Variants in MED17 observed in about 807,000 individuals in gnomAD.
MED17 encodes mediator of RNA polymerase II transcription subunit 17.
In MED17, 49 loss-of-function variants were observed where a neutral mutation model predicts 80.8. That is an observed-to-expected ratio of 0.61 (90% CI 0.48 to 0.77). The LOEUF (loss-of-function observed/expected upper bound fraction) is 0.77, where lower values mean the gene tolerates loss of function less well. Ranked by LOEUF, MED17 falls within the 30% of genes least tolerant of loss-of-function variation. The pLI is 0.00. For missense variants in MED17, 718 were observed against 787.0 expected, an observed-to-expected ratio of 0.91 and a Z score of 1.05; for synonymous variants, 281 against 280.4, an observed-to-expected ratio of 1.00 and a Z score of -0.02.
chr11:93,812,434 T>G lies in MED17; in HGVS notation c.*370T>G. ...CCAAATACCTTTTTTTCCCCCCAAA[T>G]ACTTTCTAAACTTTTTTTTTTTGAG... On this transcript the variant is annotated 3_prime_UTR_variant, in exon 12 of 12. Transcript: ENST00000251871. 2.2e-6 allele frequency: 1 copy of G among 455,890 alleles called. No homozygotes were observed. The highest frequency in any genetic ancestry group is 3.8e-6 in the Non-Finnish European group (1 of 262,710). The allele number at this position is 455,890 out of a possible 1,614,324, so 28.2% of individuals were successfully genotyped here.
chr11:93,786,891 G>A (rs1335479880), intron 1 of MED17, among the ~76,000 whole-genome samples: 1 of 152,128 alleles, frequency 6.6e-6, no homozygotes, highest in African/African-American at 2.4e-5. Flanking sequence ...AGCATTGTTG[G>A]AAGCAGTTTA....
Position 93,811,446 on chromosome 11 carries a change from G to A in MED17, c.1745-407G>A, listed in dbSNP as rs1330577623. 7 of 210,616 alleles carry A rather than the reference G, an allele frequency of 3.3e-5. No homozygotes were observed. In the East Asian group the frequency reaches 9.0e-4, roughly 27 times the overall value. 13.0% of individuals were successfully genotyped at this position (210,616 alleles called of 1,614,324 possible). On this transcript the variant is annotated intron_variant, in intron 11 of 11. Transcript: ENST00000251871. ...AGCACTTTGGGAGGCTGAGGTGGGAGGATTGCTTGAGCCCAGGAGTTTGAG... is the reference window on the plus strand; with the variant it reads ...AGCACTTTGGGAGGCTGAGGTGGGAAGATTGCTTGAGCCCAGGAGTTTGAG...
At chr11:93,798,510 TA>T (rs1336204937) in intron 8 of MED17, among the ~76,000 whole-genome samples, 3 of 152,204 alleles carry the variant, frequency 2.0e-5, no homozygotes, top group African/African-American at 7.2e-5. Context: ...CAGTTTTTTT[TA>T]GTACATTAGT....
Position 93,788,003 on chromosome 11 carries a change from G to A in MED17, c.253G>A (p.Val85Met), listed in dbSNP as rs776593698. The change falls in exon 2 of 12, where the codon GTG (valine) becomes ATG (methionine). Residue 85 changes from valine (V) to methionine (M), a missense_variant and splice_region_variant. Val to Met is a conservative substitution (Grantham distance 21). Coordinates refer to ENST00000251871, the MANE Select transcript of MED17 (RefSeq NM_004268.5). ...SSADQDDEEG[V>M]VKFQPSLWPW... is the part of the protein sequence containing the mutation. Reference sequence around the variant, plus strand: ...TTTTTTTCTCTCTCTCTTTTTAGGAGTGGTAAAATTTCAGCCTTCCCTTTG... The same window carrying A: ...TTTTTTTCTCTCTCTCTTTTTAGGAATGGTAAAATTTCAGCCTTCCCTTTG... The A allele has an allele frequency of 5.0e-6, 8 of 1,613,504 alleles. No homozygotes were observed. The highest frequency in any genetic ancestry group is 6.8e-6 in the Non-Finnish European group (8 of 1,179,632).
chr11:93,804,635 T>C (rs1944005349), intron 9 of MED17, among the ~76,000 whole-genome samples: 2 of 152,242 alleles, frequency 1.3e-5, no homozygotes, highest in South Asian at 4.1e-4. Flanking sequence ...AGAAGTTATG[T>C]AACCCTACCT....
intron 2 of MED17, chr11:93,789,734 C>T (rs1044185701): frequency 5.3e-5 from 8 of 150,802 alleles, no homozygotes; most frequent in African/African-American, 1.9e-4. Context: ...CTTTGGGGAA[C>T]CAAAGCAGGA....
chr11:93,797,788 A>T, intron 8 of MED17, 69 bp downstream of exon 8: 4 of 1,424,012 alleles, frequency 2.8e-6, no homozygotes, highest in Non-Finnish European at 3.9e-6. Context: ...CTGTTATTTC[A>T]TAACACTTTT....
rs964613647 is a variant in MED17 at position 93,784,859 on chromosome 11, C to T, written c.250+96C>T. 40 of 1,485,184 alleles carry T rather than the reference C, an allele frequency of 2.7e-5. 1 individual carries two copies. In the Middle Eastern group the frequency reaches 7.2e-4, roughly 27 times the overall value. 92.0% of individuals were successfully genotyped at this position (1,485,184 alleles called of 1,614,324 possible). A position where few individuals can be genotyped will look rare whatever the true frequency, so the allele number is the denominator to read the frequency against. On this transcript the variant is annotated intron_variant, in intron 1 of 11. Transcript: ENST00000251871. ...CGCGATGGGGGTGATCTTGTGCGTG[C>T]GAGAACTTTTGAGTGTCCCTCTAGC...
At chr11:93,786,161 C>G (rs753724468) in intron 1 of MED17, among the ~76,000 whole-genome samples, 32 of 152,294 alleles carry the variant, frequency 2.1e-4, no homozygotes, top group South Asian at 1.2e-3. Flanking sequence ...TAGTTGATAT[C>G]TTCTCTATTC....
At chr11:93,797,784 T>G (rs1274240810) in intron 8 of MED17, 65 bp downstream of exon 8, 1 of 1,436,488 alleles carries the variant, frequency 7.0e-7, no homozygotes, top group Non-Finnish European at 9.7e-7. Flanking sequence ...TCTTCTGTTA[T>G]TTCATAACAC....
intron 9 of MED17, among the ~76,000 whole-genome samples, chr11:93,804,026 T>TAC (rs368346628): frequency 1.1e-3 from 13 of 11,324 alleles, no homozygotes; most frequent in South Asian, 8.4e-3. Context: ...TATATATATA[T>TAC]ACACACACAC....
chr11:93,785,605 T>C (rs985974464), intron 1 of MED17, among the ~76,000 whole-genome samples: 1 of 152,214 alleles, frequency 6.6e-6, no homozygotes, highest in African/African-American at 2.4e-5. Context: ...ATTTCCACAG[T>C]AATTTTTGAG....
Position 93,790,772 on chromosome 11 carries a change from G to C in MED17, c.616G>C (p.Asp206His), listed in dbSNP as rs1289482703. The part of the protein sequence containing the change: ...LRKVGDKILG[D>H]LSYRSAGSLF... ...AAAAGTTGGAGATAAAATTCTCGGA[G>C]ATCTGAGCTACAGAAGTGCAGGTAT... The change falls in exon 3 of 12, where the codon GAT (aspartate) becomes CAT (histidine). Residue 206 changes from aspartate (D) to histidine (H), a missense_variant. Transcript: ENST00000251871. 6.2e-7 allele frequency: 1 copy of C among 1,613,950 alleles called. No homozygotes were observed. The highest frequency in any genetic ancestry group is 8.5e-7 in the Non-Finnish European group (1 of 1,179,954).
chr11:93,802,947 A>G (rs1042045668), intron 9 of MED17, among the ~76,000 whole-genome samples: 6 of 152,134 alleles, frequency 3.9e-5, no homozygotes, highest in African/African-American at 7.2e-5. Context: ...AACACCTGAC[A>G]TTTGTCAGGG....
At chr11:93,784,965 G>A in intron 1 of MED17, 3 of 720,072 alleles carry the variant, frequency 4.2e-6, no homozygotes, top group Admixed American at 2.9e-5. Context: ...TACTCCTGCG[G>A]GTCTCCTTGA....
chr11:93,812,021 A>C lies in MED17; in HGVS notation c.1913A>C (p.Lys638Thr). The C allele has an allele frequency of 6.2e-7, 1 of 1,614,122 alleles. No homozygotes were observed. Among genetic ancestry groups the C allele is most frequent in the Non-Finnish European group, 8.5e-7 (1 of 1,180,012 alleles). Residue 638 changes from lysine (K) to threonine (T), a missense_variant, in exon 12 of 12, where the codon AAA (lysine) becomes ACA (threonine). Physicochemically the swap from Lys to Thr is moderately conservative, Grantham distance 78. Transcript: ENST00000251871. ...NKMEGRNFVY[K>T]MELLMSALSP... ...ATGGAAGGTCGAAATTTTGTTTATA[A>C]AATGGAGCTGCTTATGTCTGCACTT...
At chr11:93,790,976 C>T (rs1168117400) in intron 3 of MED17, among the ~76,000 whole-genome samples, 183 bp downstream of exon 3, 2 of 152,184 alleles carry the variant, frequency 1.3e-5, no homozygotes, top group Non-Finnish European at 2.9e-5. Flanking sequence ...GGCGTGGTAA[C>T]ACGCACCTGT....
intron 1 of MED17, among the ~76,000 whole-genome samples, chr11:93,787,796 CAT>C (rs1345812949): frequency 7.9e-5 from 12 of 152,252 alleles, no homozygotes; most frequent in African/African-American, 2.9e-4. Flanking sequence ...AAATAGATGT[CAT>C]ATTCATTTTG....
chr11:93,810,127 C>T lies in MED17; in HGVS notation c.1744+251C>T, dbSNP rs540921621. 4.6e-4 allele frequency: 217 copies of T among 467,966 alleles called. 3 individuals are homozygous for T. The highest frequency in any genetic ancestry group is 3.7e-3 in the African/African-American group (185 of 50,666). The allele number at this position is 467,966 out of a possible 1,614,324, so 29.0% of individuals were successfully genotyped here. The stretch of plus-strand genomic sequence containing the variant: ...GAGATAGTCTGAAAAGTATCATCAG[C>T]ATTGTTACTCCTGCAGTCCCAAAGT... On this transcript the variant is annotated intron_variant, in intron 11 of 11. Transcript: ENST00000251871.
Sources: gnomAD v4.1 joint callset for allele counts (sites outside exome capture counted in the v4.1 genomes callset) on GRCh38, gnomAD v4.1.1 for gene constraint, MANE v1.5 for transcripts, NCBI Gene and HGNC (gene_info 2026-07-23, HGNC 2026-07-21) for gene names.